The following TRIQK variants were observed in gnomAD, a reference collection of about 807,000 sequenced individuals.
The protein encoded by TRIQK is triple QxxK/R motif containing.
TRIQK carries 10 observed loss-of-function variants against 10.8 expected under a neutral mutation model. The observed-to-expected ratio is 0.92, with a 90% CI of 0.57 to 1.57. The LOEUF (loss-of-function observed/expected upper bound fraction) is 1.57, where lower values mean the gene tolerates loss of function less well. Ranked by LOEUF, TRIQK falls within the 40% of genes most tolerant of loss-of-function variation. TRIQK has a pLI of 0.00. For missense variants in TRIQK, 107 were observed against 97.7 expected, an observed-to-expected ratio of 1.09 and a Z score of -0.40; for synonymous variants, 33 against 33.7, an observed-to-expected ratio of 0.98 and a Z score of 0.07.
chr8:92,914,643 T>A (rs1361294095), intron 3 of TRIQK, among the ~76,000 whole-genome samples: 1 of 152,012 alleles, frequency 6.6e-6, no homozygotes, highest in Admixed American at 6.6e-5. Context: ...CATGGAAAAG[T>A]CCTCAACCTC....
intron 1 of TRIQK, among the ~76,000 whole-genome samples, chr8:92,983,309 G>A (rs1257674049): frequency 6.6e-6 from 1 of 151,936 alleles, no homozygotes; most frequent in Non-Finnish European, 1.5e-5. Context: ...TTTTGTGACT[G>A]TTCTTATACA....
chr8:93,002,079 G>C (rs921392341), intron 1 of TRIQK, among the ~76,000 whole-genome samples: 3 of 151,970 alleles, frequency 2.0e-5, no homozygotes, highest in Non-Finnish European at 4.4e-5. Flanking sequence ...CAGACAAATG[G>C]AAATTGCAAT....
At chr8:92,946,926 A>AT (rs1811569247) in intron 2 of TRIQK, among the ~76,000 whole-genome samples, 1 of 151,372 alleles carries the variant, frequency 6.6e-6, no homozygotes, top group African/African-American at 2.4e-5. Flanking sequence ...CGCCTGGCTA[A>AT]TTTTTTGTTT....
intron 2 of TRIQK, among the ~76,000 whole-genome samples, chr8:92,933,440 C>A (rs984864514): frequency 3.3e-5 from 5 of 151,958 alleles, no homozygotes; most frequent in African/African-American, 1.2e-4. Context: ...ATATTAAATA[C>A]CCCATAGAGG....
At chr8:92,994,310 CTTCTT>C (rs937005123) in intron 1 of TRIQK, among the ~76,000 whole-genome samples, 15 of 152,008 alleles carry the variant, frequency 9.9e-5, no homozygotes, top group Non-Finnish European at 1.8e-4. Context: ...CCTGACTGCT[CTTCTT>C]TTATTTATAT....
At chr8:92,893,724 G>A (rs867975544) in intron 3 of TRIQK, among the ~76,000 whole-genome samples, 5 of 151,772 alleles carry the variant, frequency 3.3e-5, no homozygotes, top group African/African-American at 7.3e-5. Flanking sequence ...AAAGGCCTCC[G>A]GTCAGGGTTA....
intron 1 of TRIQK, among the ~76,000 whole-genome samples, chr8:92,981,628 C>A (rs992134765): frequency 6.6e-6 from 1 of 151,776 alleles, no homozygotes; most frequent in African/African-American, 2.4e-5. Context: ...ATATCTATTT[C>A]TGTCCCTTTA....
intron 1 of TRIQK, among the ~76,000 whole-genome samples, chr8:92,960,225 T>C (rs1191540038): frequency 6.6e-6 from 1 of 152,128 alleles, no homozygotes; most frequent in Non-Finnish European, 1.5e-5. Flanking sequence ...TATCTATGTA[T>C]CTATCTTCTT....
intron 1 of TRIQK, among the ~76,000 whole-genome samples, chr8:92,985,612 G>A (rs946325189): frequency 6.6e-6 from 1 of 152,126 alleles, no homozygotes; most frequent in Non-Finnish European, 1.5e-5. Flanking sequence ...TTTGTACATA[G>A]CTGACATGTC....
intron 3 of TRIQK, among the ~76,000 whole-genome samples, chr8:92,914,084 G>A (rs943880115): frequency 5.9e-5 from 9 of 152,202 alleles, no homozygotes; most frequent in African/African-American, 1.7e-4. Context: ...AAACCTGCAC[G>A]TTCTGCACAT....
chr8:92,900,762 T>A (rs1458985402), intron 3 of TRIQK, among the ~76,000 whole-genome samples: 1 of 152,130 alleles, frequency 6.6e-6, no homozygotes, highest in Non-Finnish European at 1.5e-5. Context: ...GATTACTTTT[T>A]CTATTTCTGT....
intron 1 of TRIQK, among the ~76,000 whole-genome samples, chr8:92,992,911 T>C (rs1277700945): frequency 1.3e-5 from 2 of 152,210 alleles, no homozygotes; most frequent in Non-Finnish European, 1.5e-5. Flanking sequence ...GCTCAACTTA[T>C]GAAGAGACTG....
chr8:93,008,345 A>G (rs940353221), intron 1 of TRIQK, among the ~76,000 whole-genome samples: 5 of 152,190 alleles, frequency 3.3e-5, no homozygotes. Context: ...AGAGGACTCA[A>G]ATAAGTATCC....
intron 2 of TRIQK, among the ~76,000 whole-genome samples, chr8:92,933,443 C>T (rs1810831806): frequency 6.6e-6 from 1 of 151,938 alleles, no homozygotes; most frequent in African/African-American, 2.4e-5. Flanking sequence ...TTAAATACCC[C>T]ATAGAGGTCT....
At chr8:93,001,130 AC>A (rs1410314592) in intron 1 of TRIQK, among the ~76,000 whole-genome samples, 1 of 152,002 alleles carries the variant, frequency 6.6e-6, no homozygotes, top group Non-Finnish European at 1.5e-5. Flanking sequence ...ACACGGTGAA[AC>A]CCCGTCTCTA....
At chr8:92,945,427 A>T (rs751693878) in intron 2 of TRIQK, among the ~76,000 whole-genome samples, 1 of 152,256 alleles carries the variant, frequency 6.6e-6, no homozygotes, top group Admixed American at 6.5e-5. Context: ...GGGTCAGGGG[A>T]TATAATCTGA....
chr8:92,971,541 C>A (rs1314787539), intron 1 of TRIQK, among the ~76,000 whole-genome samples: 1 of 152,098 alleles, frequency 6.6e-6, no homozygotes, highest in East Asian at 1.9e-4. Context: ...AACTTCCATT[C>A]ACAATTGCTA....
upstream of TRIQK, among the ~76,000 whole-genome samples, chr8:92,968,985 T>A (rs1193748488): frequency 6.6e-6 from 1 of 152,180 alleles, no homozygotes; most frequent in South Asian, 2.1e-4. Flanking sequence ...ATATAAGGTA[T>A]AAGGAAGGGG....
Position 92,887,043 on chromosome 8 carries a change from G to C in TRIQK, c.148-308C>G, listed in dbSNP as rs900421516. The C allele has an allele frequency of 5.7e-5, 10 of 176,732 alleles. No homozygotes were observed. The South Asian group carries it at 1.3e-3, about 23-fold the overall frequency. The allele number at this position is 176,732 out of a possible 1,614,324, so 10.9% of individuals were successfully genotyped here. On this transcript the variant is annotated intron_variant, in intron 4 of 4. Coordinates refer to ENST00000521988, the MANE Select transcript of TRIQK (RefSeq NM_001171797.2). ...TATATTTTTATAGTTTGGATATCAG[G>C]ATGTTCGATACAAGCAATGCAGTTT...
Sources: gnomAD v4.1 joint callset for allele counts (sites outside exome capture counted in the v4.1 genomes callset) on GRCh38, gnomAD v4.1.1 for gene constraint, MANE v1.5 for transcripts, NCBI Gene and HGNC (gene_info 2026-07-23, HGNC 2026-07-21) for gene names.